Variants in NDUFAF7 observed in about 807,000 individuals in gnomAD.
NDUFAF7 encodes NADH:ubiquinone oxidoreductase complex assembly factor 7.
A neutral mutation model predicts 47.2 loss-of-function variants in NDUFAF7; 48 were observed. That is an observed-to-expected ratio of 1.02 (90% confidence interval 0.81 to 1.29). The LOEUF is 1.29. Among genes scored for constraint, NDUFAF7 ranks in the 50% most tolerant of loss-of-function variants. The pLI, the probability that NDUFAF7 is intolerant of heterozygous loss-of-function variation, is 0.00. For missense variants in NDUFAF7, 635 were observed against 537.6 expected, an observed-to-expected ratio of 1.18 and a Z score of -1.79; for synonymous variants, 217 against 190.0, an observed-to-expected ratio of 1.14 and a Z score of -1.17.
Position 37,248,218 on chromosome 2 carries a change from G to A in NDUFAF7, c.1194G>A (p.Met398Ile), listed in dbSNP as rs141651485. 1 of 1,613,914 alleles carries A rather than the reference G, an allele frequency of 6.2e-7. No homozygotes were observed. The highest frequency in any genetic ancestry group is 1.7e-5 in the Admixed American group (1 of 60,010). Residue 398 changes from methionine to isoleucine, a missense_variant, in exon 10 of 10, where the codon ATG becomes ATA. Transcript: ENST00000002125. ...ATATGTTAATGAATCCAAAGAAGAT[G>A]GGAGAGAGATTTAACTTTTTTGCCT... ...GYDMLMNPKK[M>I]GERFNFFALL...
downstream of NDUFAF7, among the ~76,000 whole-genome samples, chr2:37,254,033 A>G (rs78268631): frequency 0.022 from 3,383 of 152,312 alleles, 55 homozygotes; most frequent in Middle Eastern, 0.034. Flanking sequence ...ATTGCCTGTC[A>G]TTACCGATCT....
chr2:37,251,585 C>T (rs754667392), downstream of NDUFAF7: 7 of 152,338 alleles, frequency 4.6e-5, no homozygotes, highest in Non-Finnish European at 8.8e-5. Flanking sequence ...TGTCGAAAGG[C>T]CTTCTCAGTC....
chr2:37,264,136 T>A, the NDUFAF7 span, among the ~76,000 whole-genome samples: 2 of 152,256 alleles, frequency 1.3e-5, no homozygotes, highest in Non-Finnish European at 2.9e-5. Context: ...CTCTACAACA[T>A]CCTCCCTAGA....
At chr2:37,249,279 G>C (rs941991806), downstream of NDUFAF7, 2 of 152,120 alleles carry the variant, frequency 1.3e-5, no homozygotes, top group Non-Finnish European at 2.9e-5. Flanking sequence ...CTGGGTATTT[G>C]AATTTCTTAC....
intron 7 of NDUFAF7, 54 bp from the exon 8 acceptor site, chr2:37,245,998 G>T: frequency 3.1e-6 from 5 of 1,593,628 alleles, no homozygotes; most frequent in Non-Finnish European, 4.3e-6. Context: ...AAACCGTAAG[G>T]AAGTCATTCT....
Position 37,248,431 on chromosome 2 carries a change from CA to C in NDUFAF7, c.*85del. On this transcript the variant is annotated 3_prime_UTR_variant, in exon 10 of 10. Coordinates refer to ENST00000002125, the MANE Select transcript of NDUFAF7 (RefSeq NM_144736.5). ...AACACATTTCATATACTGCAGGTAA[CA>C]AAAGTCAAAGTATTTTATCTTTTCA... is the stretch of plus-strand genomic sequence containing the variant. 1.5e-6 allele frequency: 2 copies of C among 1,299,330 alleles called. No individual in the cohort carries two copies. The highest frequency in any genetic ancestry group is 1.1e-6 in the Non-Finnish European group (1 of 896,258). The allele number at this position is 1,299,330 out of a possible 1,614,324, so 80.5% of individuals were successfully genotyped here. A position where few individuals can be genotyped will look rare whatever the true frequency, so the allele number is the denominator to read the frequency against.
the NDUFAF7 span, among the ~76,000 whole-genome samples, chr2:37,261,507 G>A: frequency 6.6e-6 from 1 of 151,858 alleles, no homozygotes; most frequent in Non-Finnish European, 1.5e-5. Context: ...AAGGCCGGGC[G>A]CGGTGGCTCA....
Position 37,232,127 on chromosome 2 carries a change from G to A in NDUFAF7, c.77G>A (p.Gly26Glu), listed in dbSNP as rs1558484354. 1.2e-6 allele frequency: 2 copies of A among 1,614,108 alleles called. No individual in the cohort carries two copies. The highest frequency in any genetic ancestry group is 2.7e-5 in the African/African-American group (2 of 74,944). Residue 26 changes from glycine to glutamate, a missense_variant, in exon 2 of 10, where the codon GGG (glycine) becomes GAG (glutamate). By Grantham distance (98) the Gly-to-Glu change is moderately conservative. Coordinates refer to ENST00000002125, the MANE Select transcript of NDUFAF7 (RefSeq NM_144736.5). The stretch of plus-strand genomic sequence containing the variant: ...GCAGCCATTCCTTTTATTTGGAGAG[G>A]GAAATACTTCAGCTCCGGGAATGAG... ...ARAAIPFIWR[G>E]KYFSSGNEPA...
chr2:37,243,440 A>G (rs1443922137), intron 6 of NDUFAF7, among the ~76,000 whole-genome samples: 1 of 152,188 alleles, frequency 6.6e-6, no homozygotes, highest in Admixed American at 6.5e-5. Flanking sequence ...CAACAAAGCG[A>G]GAGCTTGTCT....
At chr2:37,267,234 C>CT in the NDUFAF7 span, among the ~76,000 whole-genome samples, 1 of 151,558 alleles carries the variant, frequency 6.6e-6, no homozygotes, top group South Asian at 2.1e-4. Flanking sequence ...TGAAATTTTA[C>CT]TTTTTTAAAA....
At chr2:37,265,145 G>T in the NDUFAF7 span, among the ~76,000 whole-genome samples, 1 of 151,890 alleles carries the variant, frequency 6.6e-6, no homozygotes, top group Non-Finnish European at 1.5e-5. Context: ...TTTCAGGTTT[G>T]GGTGATGAGG....
In NDUFAF7 at chr2:37,238,356, A is replaced by G. The variant is rs140431911; in HGVS notation, c.408+489A>G. On this transcript the variant is annotated intron_variant, in intron 4 of 9. Transcript: ENST00000002125. The stretch of plus-strand genomic sequence containing the variant: ...AGGCAGGGAATCGCTTGAACCCAGG[A>G]GGCAGAGGTTGCAGTGATTGCTGCA... Among the ~76,000 whole-genome samples the G allele has an allele frequency of 9.3e-4, 141 of 152,130 alleles. 1 individual carries two copies. Among genetic ancestry groups the G allele is most frequent in the Non-Finnish European group, 1.6e-3 (109 of 68,006 alleles).
rs760480698 is a variant in NDUFAF7 at position 37,231,702 on chromosome 2, C to A, written c.-4C>A. On this transcript the variant is annotated 5_prime_UTR_variant, in exon 1 of 10. Transcript: ENST00000002125. ...GCGGAGCGAGCTAGCCTGCGAATTTCAGCATGAGTGTACTGCTGAGGTCAG... is the reference window on the plus strand; with the variant it reads ...GCGGAGCGAGCTAGCCTGCGAATTTAAGCATGAGTGTACTGCTGAGGTCAG... 6.2e-7 allele frequency: 1 copy of A among 1,614,232 alleles called. No homozygotes were observed.
chr2:37,269,192 T>C, the NDUFAF7 span: 1 of 193,368 alleles, frequency 5.2e-6, no homozygotes, highest in Non-Finnish European at 1.1e-5. Flanking sequence ...AATCGCAAAG[T>C]TGGATTTCAG....
intron 4 of NDUFAF7, among the ~76,000 whole-genome samples, chr2:37,240,619 T>A (rs1306753669): frequency 6.6e-6 from 1 of 152,142 alleles, no homozygotes; most frequent in Non-Finnish European, 1.5e-5. Flanking sequence ...TTCAGCAAGG[T>A]CATTTGAATA....
At chr2:37,235,369 C>T (rs1423238080) in intron 2 of NDUFAF7, among the ~76,000 whole-genome samples, 1 of 152,030 alleles carries the variant, frequency 6.6e-6, no homozygotes, top group Non-Finnish European at 1.5e-5. Context: ...TCCCATGTAA[C>T]CAGCACCCAA....
downstream of NDUFAF7, chr2:37,256,589 G>C: frequency 1.4e-6 from 2 of 1,413,356 alleles, no homozygotes; most frequent in South Asian, 3.1e-5. Flanking sequence ...GACTGATTTG[G>C]GATGAGAAAG....
chr2:37,267,961 G>T, the NDUFAF7 span: 16 of 188,560 alleles, frequency 8.5e-5, no homozygotes, highest in African/African-American at 1.2e-4. Flanking sequence ...CTATATTCTA[G>T]AATCTAGATA....
At chr2:37,269,533 T>A in the NDUFAF7 span, 6 of 1,257,796 alleles carry the variant, frequency 4.8e-6, no homozygotes, top group African/African-American at 7.4e-5. Context: ...AACTATGAGA[T>A]GACAAAACAG....
Sources: gnomAD v4.1 joint callset for allele counts (sites outside exome capture counted in the v4.1 genomes callset) on GRCh38, gnomAD v4.1.1 for gene constraint, MANE v1.5 for transcripts, NCBI Gene and HGNC (gene_info 2026-07-23, HGNC 2026-07-21) for gene names.